PEPD: variants seen among roughly 807,000 people sequenced by gnomAD.
The protein encoded by PEPD is peptidase D, also known as xaa-Pro dipeptidase.
PEPD carries 53 observed loss-of-function variants against 60.7 expected under a neutral mutation model. That is an observed-to-expected ratio of 0.87 (90% confidence interval 0.70 to 1.10). The LOEUF (loss-of-function observed/expected upper bound fraction) is 1.10. Ranked by LOEUF, PEPD falls within the 50% of genes least tolerant of loss-of-function variation. The probability of loss-of-function intolerance (pLI) is 0.00; values close to 1 mark genes in which losing one functional copy is unlikely to be tolerated. For synonymous variants in PEPD, 267 were observed against 284.1 expected, an observed-to-expected ratio of 0.94 and a Z score of 0.60; for missense variants, 711 against 711.9, an observed-to-expected ratio of 1.00 and a Z score of 0.01.
chr19:33,490,789 G>A lies in PEPD; in HGVS notation c.442-732C>T, dbSNP rs911862358. ...AGTGATTCTCCTGCTTCAGCCTCTCGAGTAGCTGGGATTACAGGTGCGCAC... is the reference window on the plus strand; with the variant it reads ...AGTGATTCTCCTGCTTCAGCCTCTCAAGTAGCTGGGATTACAGGTGCGCAC... On this transcript the variant is annotated intron_variant, in intron 5 of 14. Coordinates refer to ENST00000244137, the MANE Select transcript of PEPD (RefSeq NM_000285.4). 3.3e-5 allele frequency among the ~76,000 whole-genome samples: 5 copies of A among 152,214 alleles called. No homozygotes were observed. In the East Asian group the frequency reaches 5.8e-4, roughly 18 times the overall value.
chr19:33,477,094 T>A (rs1568491054), intron 7 of PEPD: 1 of 152,436 alleles, frequency 6.6e-6, no homozygotes. Context: ...CCACTGCCTG[T>A]CTCTCCAACT....
chr19:33,411,761 C>CG lies in PEPD; in HGVS notation c.741-13dup. 1.9e-6 allele frequency: 3 copies of CG among 1,568,650 alleles called. No individual in the cohort carries two copies. Among genetic ancestry groups the CG allele is most frequent in the Non-Finnish European group, 2.6e-6 (3 of 1,140,170 alleles). On this transcript the variant is annotated splice_polypyrimidine_tract_variant and intron_variant, in intron 10 of 14. Coordinates refer to ENST00000244137, the MANE Select transcript of PEPD (RefSeq NM_000285.4). ...CTGAGTTCTCACCACTGCAAAGAGC[C>CG]GGGGGAGGGTGATCAAAGCCCATTC... is the stretch of plus-strand genomic sequence containing the variant.
chr19:33,479,628 G>C (rs947868089), intron 6 of PEPD, among the ~76,000 whole-genome samples: 1 of 152,132 alleles, frequency 6.6e-6, no homozygotes, highest in African/African-American at 2.4e-5. Flanking sequence ...GTGTCCATGT[G>C]TTCTCATCAT....
At chr19:33,393,776 C>T (rs994076318) in intron 12 of PEPD, among the ~76,000 whole-genome samples, 6 of 152,234 alleles carry the variant, frequency 3.9e-5, no homozygotes, top group Non-Finnish European at 5.9e-5. Context: ...GAACCCAGCC[C>T]GGACAATCCT....
chr19:33,475,328 T>C (rs1804348400), intron 7 of PEPD, among the ~76,000 whole-genome samples: 1 of 151,782 alleles, frequency 6.6e-6, no homozygotes, highest in Admixed American at 6.6e-5. Context: ...AGCCCACCCA[T>C]TCCTGTTAAT....
At chr19:33,452,326 A>G (rs1003238122) in intron 9 of PEPD, among the ~76,000 whole-genome samples, 3 of 152,164 alleles carry the variant, frequency 2.0e-5, no homozygotes, top group Admixed American at 6.5e-5. Flanking sequence ...AAAATAAACT[A>G]GCCAAAATCT....
At chr19:33,504,871 AGAG>A (rs1166273829) in intron 3 of PEPD, among the ~76,000 whole-genome samples, 3 of 152,046 alleles carry the variant, frequency 2.0e-5, no homozygotes, top group Admixed American at 1.3e-4. Context: ...TTGGGAGGAG[AGAG>A]GAGAAGTCCT....
At position 33,485,870 on chromosome 19, in the gene PEPD, G is replaced by T. The variant is rs151077688; in HGVS notation, c.503+4126C>A. Among the ~76,000 whole-genome samples, 5 of 151,938 alleles carry T rather than the reference G, an allele frequency of 3.3e-5. No homozygotes were observed. In the East Asian group the frequency reaches 9.7e-4, roughly 29 times the overall value. ...CTGACCATATACAATGGCAGGAAAC[G>T]GAGCCCCTGTCACTCGCTGCCCCGG... On this transcript the variant is annotated intron_variant, in intron 6 of 14. Transcript: ENST00000244137.
At chr19:33,478,005 G>A (rs534952816) in intron 7 of PEPD, 41 bp downstream of exon 7, 43 of 1,448,208 alleles carry the variant, frequency 3.0e-5, no homozygotes, top group Admixed American at 5.1e-5. Flanking sequence ...CCCATGAGCC[G>A]AGCACAACAA....
chr19:33,467,917 C>T (rs966672993), intron 7 of PEPD, among the ~76,000 whole-genome samples: 2 of 152,100 alleles, frequency 1.3e-5, no homozygotes, highest in African/African-American at 2.4e-5. Context: ...TACCAGGCAC[C>T]GGTGATGGAG....
chr19:33,500,827 G>A (rs542490686), intron 4 of PEPD, 111 bp downstream of exon 4: 5 of 774,768 alleles, frequency 6.5e-6, no homozygotes, highest in Non-Finnish European at 1.2e-5. Flanking sequence ...GTGGCCAGGT[G>A]GTAGTGTCCC....
rs560155369 is a variant in PEPD, at chr19:33,496,687, C to T, written c.394-3350G>A. On this transcript the variant is annotated intron_variant, in intron 4 of 14. Coordinates refer to ENST00000244137, the MANE Select transcript of PEPD (RefSeq NM_000285.4). Reference sequence around the variant, plus strand: ...GCCACTGGGGACCTCTCACACCCTGCGCTGTTAAATGACCCTGCCTTGCTT... The same window carrying T: ...GCCACTGGGGACCTCTCACACCCTGTGCTGTTAAATGACCCTGCCTTGCTT... Among the ~76,000 whole-genome samples the T allele has an allele frequency of 1.8e-4, 28 of 152,354 alleles. No homozygotes were observed. The South Asian group carries it at 1.9e-3, about 10-fold the overall frequency.
At chr19:33,450,344 GA>G (rs1969674985) in intron 9 of PEPD, among the ~76,000 whole-genome samples, 1 of 152,238 alleles carries the variant, frequency 6.6e-6, no homozygotes, top group Non-Finnish European at 1.5e-5. Context: ...CAGTGAGACA[GA>G]TCCTCAGGAA....
chr19:33,401,971 G>T, intron 11 of PEPD, 102 bp from the exon 12 acceptor site: 1 of 1,113,662 alleles, frequency 9.0e-7, no homozygotes, highest in Non-Finnish European at 1.3e-6. Context: ...GCTGGCCCGG[G>T]TCCTGGATGC....
intron 12 of PEPD, among the ~76,000 whole-genome samples, chr19:33,396,564 G>C (rs1000448615): frequency 6.6e-6 from 1 of 152,186 alleles, no homozygotes; most frequent in Non-Finnish European, 1.5e-5. Context: ...CAGGAGCGGG[G>C]GAACGAAACA....
At chr19:33,428,009 G>A (rs1445280713) in intron 9 of PEPD, among the ~76,000 whole-genome samples, 2 of 152,048 alleles carry the variant, frequency 1.3e-5, no homozygotes, top group Non-Finnish European at 2.9e-5. Flanking sequence ...CTGGCTCTGG[G>A]CAGCACTCTC....
chr19:33,393,304 G>T (rs949236358), intron 12 of PEPD, among the ~76,000 whole-genome samples: 7 of 151,694 alleles, frequency 4.6e-5, no homozygotes, highest in African/African-American at 1.7e-4. Flanking sequence ...AGAGCCCGGG[G>T]TCTGGCGTGG....
At chr19:33,443,834 AGTGT>A (rs1221570973) in intron 9 of PEPD, among the ~76,000 whole-genome samples, 1 of 152,178 alleles carries the variant, frequency 6.6e-6, no homozygotes, top group African/African-American at 2.4e-5. Flanking sequence ...GGGTGAGAAG[AGTGT>A]GTAATGGGTG....
intron 9 of PEPD, among the ~76,000 whole-genome samples, chr19:33,439,793 C>G (rs1466483629): frequency 6.6e-6 from 1 of 152,204 alleles, no homozygotes; most frequent in Non-Finnish European, 1.5e-5. Flanking sequence ...GAGATCACAA[C>G]CTACAGGGTG....
Sources: allele counts gnomAD v4.1 joint callset (sites outside exome capture counted in the v4.1 genomes callset), GRCh38; gene constraint gnomAD v4.1.1; transcripts MANE v1.5; gene names NCBI Gene and HGNC (gene_info 2026-07-23, HGNC 2026-07-21).